The following DLG2 variants were observed in gnomAD, a reference collection of about 807,000 sequenced individuals.
DLG2 encodes the protein disks large homolog 2.
In DLG2, 45 loss-of-function variants were observed where a neutral mutation model predicts 132.5. The observed-to-expected ratio is 0.34, with a 90% CI of 0.27 to 0.44. The LOEUF is 0.44. DLG2 is among the 20% of genes least tolerant of loss of function. DLG2 has a pLI of 1.00. For synonymous variants in DLG2, 424 were observed against 419.6 expected (o/e 1.01, Z -0.13); for missense variants, 1,045 against 1,196.9 (o/e 0.87, Z 1.87).
chr11:85,561,099 T>C (rs999055236), intron 3 of DLG2, among the ~76,000 whole-genome samples: 11 of 151,088 alleles, frequency 7.3e-5, no homozygotes, highest in African/African-American at 2.7e-4. Context: ...CTCAAGCCTG[T>C]AATCCCAGCA....
intron 6 of DLG2, among the ~76,000 whole-genome samples, chr11:85,004,159 C>T (rs1004222027): frequency 4.0e-5 from 6 of 151,780 alleles, no homozygotes; most frequent in African/African-American, 9.7e-5. Context: ...TTTGCTATTA[C>T]GAACACTGGG....
At chr11:83,598,850 G>A (rs2058063519) in intron 19 of DLG2, among the ~76,000 whole-genome samples, 1 of 152,158 alleles carries the variant, frequency 6.6e-6, no homozygotes, top group Non-Finnish European at 1.5e-5. Flanking sequence ...TTTTGGTACT[G>A]TGTATCATGC....
chr11:85,205,522 G>C (rs1198794443), intron 4 of DLG2, among the ~76,000 whole-genome samples: 1 of 152,120 alleles, frequency 6.6e-6, no homozygotes, highest in Admixed American at 6.6e-5. Flanking sequence ...ATGTATGTCA[G>C]AATAGCTGTA....
Position 84,085,952 on chromosome 11 carries a change from T to C in DLG2, c.749+12971A>G, listed in dbSNP as rs954784708. 3.3e-5 allele frequency among the ~76,000 whole-genome samples: 5 copies of C among 152,358 alleles called. No homozygotes were observed. In the East Asian group the frequency reaches 9.6e-4, roughly 29 times the overall value. On this transcript the variant is annotated intron_variant, in intron 10 of 27. Coordinates refer to ENST00000376104, the MANE Select transcript of DLG2 (RefSeq NM_001142699.3). ...GTAAAGCATATCAATAATTTGGTTTTGACTTTTGAAAACAGAAATGCTATT... is the reference window on the plus strand; with the variant it reads ...GTAAAGCATATCAATAATTTGGTTTCGACTTTTGAAAACAGAAATGCTATT...
chr11:83,592,430 G>A (rs1475626477), intron 19 of DLG2, among the ~76,000 whole-genome samples: 2 of 149,330 alleles, frequency 1.3e-5, no homozygotes, highest in South Asian at 4.3e-4. Context: ...TGGGAAAACT[G>A]GCTAGCCATA....
chr11:85,051,120 T>C (rs961110322), intron 6 of DLG2, among the ~76,000 whole-genome samples: 1 of 152,158 alleles, frequency 6.6e-6, no homozygotes, highest in African/African-American at 2.4e-5. Context: ...TTTCACATTC[T>C]TCAGGTAAAT....
At chr11:84,890,148 C>T (rs1260055695) in intron 6 of DLG2, among the ~76,000 whole-genome samples, 1 of 152,084 alleles carries the variant, frequency 6.6e-6, no homozygotes, top group African/African-American at 2.4e-5. Context: ...ATTAGGGGAC[C>T]TGATTGAAGG....
intron 4 of DLG2, among the ~76,000 whole-genome samples, chr11:85,272,405 GGA>G: frequency 1.3e-5 from 2 of 152,290 alleles, no homozygotes; most frequent in East Asian, 3.9e-4. Flanking sequence ...TTGCAATTGT[GGA>G]GACTGATATG....
intron 3 of DLG2, among the ~76,000 whole-genome samples, chr11:85,398,286 G>A (rs532201761): frequency 1.3e-5 from 2 of 152,282 alleles, no homozygotes; most frequent in East Asian, 1.9e-4. Flanking sequence ...GCAGTTTGAA[G>A]AGGGAAATTT....
chr11:85,463,047 T>C (rs1012424710), intron 3 of DLG2, among the ~76,000 whole-genome samples: 1 of 152,144 alleles, frequency 6.6e-6, no homozygotes, highest in African/African-American at 2.4e-5. Context: ...ACACCAACCA[T>C]ACCAGAACCT....
chr11:83,673,237 A>T (rs1445226704), intron 18 of DLG2, among the ~76,000 whole-genome samples: 3 of 152,222 alleles, frequency 2.0e-5, no homozygotes, highest in South Asian at 2.1e-4. Flanking sequence ...AGAGTTTTTT[A>T]AAAAAGCAAT....
At chr11:84,657,930 C>T (rs879582923) in intron 6 of DLG2, among the ~76,000 whole-genome samples, 13 of 152,162 alleles carry the variant, frequency 8.5e-5, no homozygotes, top group African/African-American at 1.2e-4. Context: ...ACCCTCCTCT[C>T]GACCTTTTTA....
At chr11:84,773,757 T>A (rs545777439) in intron 6 of DLG2, among the ~76,000 whole-genome samples, 4 of 152,140 alleles carry the variant, frequency 2.6e-5, no homozygotes, top group African/African-American at 9.7e-5. Flanking sequence ...ATAATGACCC[T>A]CAACAAACTA....
At chr11:83,802,742 A>T (rs1446875872) in intron 17 of DLG2, among the ~76,000 whole-genome samples, 2 of 152,160 alleles carry the variant, frequency 1.3e-5, no homozygotes, top group African/African-American at 4.8e-5. Context: ...CTATTGCTAA[A>T]TTAAAGAAAA....
intron 3 of DLG2, among the ~76,000 whole-genome samples, chr11:85,594,418 T>C (rs1315964142): frequency 6.6e-6 from 1 of 152,206 alleles, no homozygotes; most frequent in African/African-American, 2.4e-5. Flanking sequence ...GTAGAGTTTT[T>C]TTAAAGTATC....
At chr11:83,480,408 C>G in intron 22 of DLG2, 1 of 1,535,444 alleles carries the variant, frequency 6.5e-7, no homozygotes, top group South Asian at 1.2e-5. Context: ...TTAGAAGAAA[C>G]ATGTTCTGCA....
rs150976898 is a variant in DLG2 at position 83,724,458 on chromosome 11, C to CGTGTGTGTGT, written c.1825+62222_1825+62231dup. Among the ~76,000 whole-genome samples the CGTGTGTGTGT allele has an allele frequency of 3.6e-3, 433 of 121,420 alleles. 2 individuals are homozygous for CGTGTGTGTGT. Among genetic ancestry groups the CGTGTGTGTGT allele is most frequent in the African/African-American group, 0.011 (308 of 28,214 alleles). The allele number at this position is 121,420 out of a possible 152,430, so 79.7% of individuals were successfully genotyped here. ...ACATTCCTTAATCAATCTCTCTCTC[C>CGTGTGTGTGT]GTGTGTGTGTGTGTGTGTGAGAGAG... On this transcript the variant is annotated intron_variant, in intron 18 of 27. Coordinates refer to ENST00000376104, the MANE Select transcript of DLG2 (RefSeq NM_001142699.3).
chr11:83,838,285 G>A (rs2056752478), intron 16 of DLG2, among the ~76,000 whole-genome samples: 2 of 152,174 alleles, frequency 1.3e-5, no homozygotes, highest in African/African-American at 2.4e-5. Flanking sequence ...TAGGTGACAA[G>A]TACACGGATG....
In DLG2 at chr11:85,377,803, A is replaced by G. The variant is rs200650058; in HGVS notation, c.41-92438T>C. Among the ~76,000 whole-genome samples, 721 of 131,306 alleles carry G rather than the reference A, an allele frequency of 5.5e-3. 3 individuals are homozygous for G. The highest frequency in any genetic ancestry group is 0.017 in the African/African-American group (601 of 35,606). 86.1% of individuals were successfully genotyped at this position (131,306 alleles called of 152,430 possible). A position where few individuals can be genotyped will look rare whatever the true frequency, so the allele number is the denominator to read the frequency against. ...TGTATACATATATATATATATATATATGTGTGTGTGTGTGTGTGTGTATAC... is the reference window on the plus strand; with the variant it reads ...TGTATACATATATATATATATATATGTGTGTGTGTGTGTGTGTGTGTATAC... On this transcript the variant is annotated intron_variant, in intron 3 of 27. Transcript: ENST00000376104.
Sources: allele counts gnomAD v4.1 joint callset (sites outside exome capture counted in the v4.1 genomes callset), GRCh38; gene constraint gnomAD v4.1.1; transcripts MANE v1.5; gene names NCBI Gene and HGNC (gene_info 2026-07-23, HGNC 2026-07-21).